ZC3H12B: variants seen among roughly 807,000 people sequenced by gnomAD.
ZC3H12B encodes the protein zinc finger CCCH-type containing 12B, also known as probable ribonuclease ZC3H12B.
ZC3H12B carries 7 observed loss-of-function variants against 43.9 expected under a neutral mutation model. The ratio of observed to expected loss-of-function variants is 0.16; its 90% CI spans 0.09 to 0.30. ZC3H12B has a LOEUF of 0.30. ZC3H12B is among the 10% of genes least tolerant of loss of function. The pLI, the probability that ZC3H12B is intolerant of heterozygous loss-of-function variation, is 1.00. For missense variants in ZC3H12B, 475 were observed against 670.2 expected (o/e 0.71, Z 3.22); for synonymous variants, 222 against 241.7 (o/e 0.92, Z 0.76).
At chrX:65,166,914 TTA>T in the ZC3H12B span, among the ~76,000 whole-genome samples, 1 of 105,362 alleles carries the variant, frequency 9.5e-6, no homozygotes, top group Non-Finnish European at 1.9e-5. Context: ...GTAAATTTGT[TTA>T]AGTTCTTTGT....
the ZC3H12B span, among the ~76,000 whole-genome samples, chrX:65,253,517 T>C: frequency 1.8e-5 from 2 of 112,093 alleles, no homozygotes; most frequent in Non-Finnish European, 3.8e-5. Flanking sequence ...GGGGCTCCCA[T>C]AGCCCCAAGG....
intron 2 of ZC3H12B, among the ~76,000 whole-genome samples, chrX:65,387,327 T>A (rs1182519816): frequency 8.9e-6 from 1 of 112,064 alleles, no homozygotes; most frequent in Non-Finnish European, 1.9e-5. Flanking sequence ...TGGGTGCTCC[T>A]GTGTTGGGTG....
chrX:65,311,070 C>T, the ZC3H12B span, among the ~76,000 whole-genome samples: 1 of 111,969 alleles, frequency 8.9e-6, no homozygotes, highest in Non-Finnish European at 1.9e-5. Flanking sequence ...CAATACTATT[C>T]AGGACATAGG....
chrX:65,373,754 G>A (rs1175915484), intron 2 of ZC3H12B, among the ~76,000 whole-genome samples: 2 of 92,885 alleles, frequency 2.2e-5, no homozygotes, highest in Non-Finnish European at 4.2e-5. Context: ...GGTGGTGGGA[G>A]GGGGGAGGGA....
chrX:65,368,404 G>T (rs1165462432), intron 1 of ZC3H12B, among the ~76,000 whole-genome samples: 2 of 111,427 alleles, frequency 1.8e-5, no homozygotes, highest in South Asian at 3.7e-4. Context: ...TAAATCATAG[G>T]ATATATATAA....
the ZC3H12B span, among the ~76,000 whole-genome samples, chrX:65,110,836 C>A: frequency 9.0e-6 from 1 of 111,115 alleles, no homozygotes; most frequent in South Asian, 3.7e-4. Flanking sequence ...TGACATATTT[C>A]TATTTTAAGT....
At chrX:65,212,850 T>G in the ZC3H12B span, among the ~76,000 whole-genome samples, 1 of 105,142 alleles carries the variant, frequency 9.5e-6, no homozygotes, top group Non-Finnish European at 1.9e-5. Context: ...TCTAGCACAG[T>G]GCCTGGAATG....
the ZC3H12B span, chrX:65,328,125 G>T: frequency 4.2e-6 from 1 of 240,648 alleles, no homozygotes; most frequent in Non-Finnish European, 8.4e-6. Flanking sequence ...TTCTCATCCA[G>T]CGGTGTCTAG....
At chrX:65,145,082 C>A in the ZC3H12B span, among the ~76,000 whole-genome samples, 1 of 111,293 alleles carries the variant, frequency 9.0e-6, no homozygotes, top group Non-Finnish European at 1.9e-5. Flanking sequence ...ATGTCCCTCA[C>A]TATTATTATG....
chrX:65,064,327 G>A, the ZC3H12B span, among the ~76,000 whole-genome samples: 1 of 111,858 alleles, frequency 8.9e-6, no homozygotes, highest in African/African-American at 3.3e-5. Flanking sequence ...CTTTAGCTGT[G>A]TCCCAGAGAT....
exon 5 of ZC3H12B, chrX:65,502,341 T>A (rs371585715): frequency 1.7e-6 from 2 of 1,209,483 alleles, no homozygotes; most frequent in South Asian, 1.8e-5. Context: ...TACTATTCAA[T>A]GTTAGGTGAC....
the ZC3H12B span, among the ~76,000 whole-genome samples, chrX:65,225,736 CT>C: frequency 8.9e-6 from 1 of 111,957 alleles, no homozygotes; most frequent in African/African-American, 3.2e-5. Flanking sequence ...ATGCAGAAGC[CT>C]CAGGAGCCGA....
chrX:65,328,548 C>T, the ZC3H12B span: 1 of 187,295 alleles, frequency 5.3e-6, no homozygotes, highest in South Asian at 8.7e-5. Context: ...ATCACATTGT[C>T]TTTATTTGTC....
At chrX:65,097,430 G>A in the ZC3H12B span, among the ~76,000 whole-genome samples, 1 of 111,311 alleles carries the variant, frequency 9.0e-6, no homozygotes, top group Non-Finnish European at 1.9e-5. Flanking sequence ...ACATTCTATA[G>A]TTTATATAGT....
chrX:65,193,101 G>A, the ZC3H12B span, among the ~76,000 whole-genome samples: 1 of 98,720 alleles, frequency 1.0e-5, no homozygotes, highest in Non-Finnish European at 1.9e-5. Flanking sequence ...AGTGATATTG[G>A]CCTGAAGGTT....
intron 3 of ZC3H12B, among the ~76,000 whole-genome samples, chrX:65,459,952 G>C (rs999058869): frequency 1.8e-5 from 2 of 111,832 alleles, no homozygotes; most frequent in Non-Finnish European, 3.8e-5. Context: ...TGTAAATCTA[G>C]AAAACTCCAT....
the ZC3H12B span, among the ~76,000 whole-genome samples, chrX:65,283,247 G>C: frequency 8.9e-6 from 1 of 111,890 alleles, no homozygotes; most frequent in African/African-American, 3.2e-5. Context: ...AATAGATGCA[G>C]AAAAGGCCTT....
At chrX:65,235,910 C>A in the ZC3H12B span, among the ~76,000 whole-genome samples, 1 of 111,252 alleles carries the variant, frequency 9.0e-6, no homozygotes, top group Non-Finnish European at 1.9e-5. Context: ...TACATGGACA[C>A]CAGAGACTTA....
chrX:65,115,950 C>T, the ZC3H12B span, among the ~76,000 whole-genome samples: 1 of 110,503 alleles, frequency 9.0e-6, no homozygotes, highest in Non-Finnish European at 1.9e-5. Context: ...TGATATTAGT[C>T]CTTTGTCAGA....
Sources: gnomAD v4.1 joint callset for allele counts (sites outside exome capture counted in the v4.1 genomes callset) on GRCh38, gnomAD v4.1.1 for gene constraint, MANE v1.5 for transcripts, NCBI Gene and HGNC (gene_info 2026-07-23, HGNC 2026-07-21) for gene names.